Variants in TMCC3 observed in about 807,000 individuals in gnomAD.
TMCC3 encodes transmembrane and coiled-coil domain protein 3.
In TMCC3, 28 loss-of-function variants were observed where a neutral mutation model predicts 40.2. The ratio of observed to expected loss-of-function variants is 0.70; its 90% CI spans 0.52 to 0.95. The LOEUF (loss-of-function observed/expected upper bound fraction) is 0.95. Ranked by LOEUF, TMCC3 falls within the 40% of genes least tolerant of loss-of-function variation. TMCC3 has a pLI of 0.00. For synonymous variants in TMCC3, 255 were observed against 248.5 expected, an observed-to-expected ratio of 1.03 and a Z score of -0.25; for missense variants, 554 against 615.2, an observed-to-expected ratio of 0.90 and a Z score of 1.05.
At chr12:94,589,134 G>GTT (rs1193357757) in intron 1 of TMCC3, among the ~76,000 whole-genome samples, 11 of 88,488 alleles carry the variant, frequency 1.2e-4, no homozygotes, top group African/African-American at 4.6e-4. Flanking sequence ...GTATGAGGTT[G>GTT]TTGTTTTTTT....
chr12:94,572,306 C>CTTTTTT (rs527894810), intron 3 of TMCC3, among the ~76,000 whole-genome samples: 6 of 50,662 alleles, frequency 1.2e-4, no homozygotes, highest in African/African-American at 3.0e-4. Flanking sequence ...CCGACTTCAT[C>CTTTTTT]TTTTTTTTTT....
At chr12:94,586,384 C>T (rs1265176499) in intron 1 of TMCC3, among the ~76,000 whole-genome samples, 1 of 152,218 alleles carries the variant, frequency 6.6e-6, no homozygotes, top group African/African-American at 2.4e-5. Flanking sequence ...TCACCTCCAC[C>T]TCCAGGGGCA....
At position 94,567,904 on chromosome 12, in the gene TMCC3, T is replaced by A. The variant is rs376904532; in HGVS notation, c.*3531A>T. 67 of 152,300 alleles carry A rather than the reference T, an allele frequency of 4.4e-4. No individual in the cohort carries two copies. The highest frequency in any genetic ancestry group is 1.6e-3 in the African/African-American group (66 of 41,568). The allele number at this position is 152,300 out of a possible 1,614,324, so 9.4% of individuals were successfully genotyped here. ...ATCCGACCAAAAAAGACAAAAGTAA[T>A]TAGTTGCCTGAGGGAAGCTAGTTCC... On this transcript the variant is annotated 3_prime_UTR_variant, in exon 4 of 4. Coordinates refer to ENST00000261226, the MANE Select transcript of TMCC3 (RefSeq NM_020698.4).
At chr12:94,646,911 C>T (rs2069022964) in intron 1 of TMCC3, among the ~76,000 whole-genome samples, 1 of 152,032 alleles carries the variant, frequency 6.6e-6, no homozygotes. Flanking sequence ...AGAATACAAC[C>T]CACGTAGGTC....
At position 94,650,355 on chromosome 12, in the gene TMCC3, G is replaced by A. The variant is rs2069049422; in HGVS notation, c.76C>T (p.Arg26Trp). 3 of 1,320,910 alleles carry A rather than the reference G, an allele frequency of 2.3e-6. No homozygotes were observed. The highest frequency in any genetic ancestry group is 1.9e-5 in the South Asian group (1 of 52,458). 81.8% of individuals were successfully genotyped at this position (1,320,910 alleles called of 1,614,324 possible). ...YPGRHHRCKS[R>W]VERHDMNTLS... Reference sequence around the variant, plus strand: ...GCCCCCCAGCCCGCTGCGCTCACCCGGCTCTTGCAGCGGTGGTGCCGGCCG... The same window carrying A: ...GCCCCCCAGCCCGCTGCGCTCACCCAGCTCTTGCAGCGGTGGTGCCGGCCG... The change falls in exon 1 of 4, where the codon CGG becomes TGG. Residue 26 changes from arginine (R) to tryptophan (W), a missense_variant and splice_region_variant. Coordinates refer to ENST00000261226, the MANE Select transcript of TMCC3 (RefSeq NM_020698.4).
At chr12:94,647,413 C>T (rs534017866) in intron 1 of TMCC3, among the ~76,000 whole-genome samples, 4 of 152,262 alleles carry the variant, frequency 2.6e-5, no homozygotes, top group South Asian at 4.2e-4. Context: ...CATGTAGTTT[C>T]CCTGTTATCT....
chr12:94,648,220 T>TTTTATTTATTTATTTATTTA (rs201121413), intron 1 of TMCC3, among the ~76,000 whole-genome samples: 14 of 149,528 alleles, frequency 9.4e-5, no homozygotes, highest in African/African-American at 3.2e-4. Context: ...AGTAGAATTG[T>TTTTATTTATTTATTTATTTA]TTTATTTATT....
At chr12:94,591,586 C>T (rs1370021986) in intron 1 of TMCC3, among the ~76,000 whole-genome samples, 1 of 151,730 alleles carries the variant, frequency 6.6e-6, no homozygotes, top group Admixed American at 6.6e-5. Context: ...CCTGTCTCTA[C>T]CAAAAAAAAC....
At chr12:94,647,134 T>A (rs1490724587) in intron 1 of TMCC3, among the ~76,000 whole-genome samples, 2 of 152,224 alleles carry the variant, frequency 1.3e-5, no homozygotes, top group Non-Finnish European at 1.5e-5. Context: ...TTATGGATGC[T>A]CTTTCTTCTA....
intron 1 of TMCC3, among the ~76,000 whole-genome samples, chr12:94,612,810 T>A (rs1032838656): frequency 1.3e-5 from 2 of 152,192 alleles, no homozygotes; most frequent in Middle Eastern, 3.2e-3. Flanking sequence ...GACTGCAAGG[T>A]ATATTTGCAG....
chr12:94,593,256 A>G (rs1004673900), intron 1 of TMCC3, among the ~76,000 whole-genome samples: 3 of 150,138 alleles, frequency 2.0e-5, no homozygotes, highest in African/African-American at 4.9e-5. Context: ...AATCCCAGCT[A>G]CTCAGGAGGC....
chr12:94,648,448 A>C (rs1423737927), intron 1 of TMCC3, among the ~76,000 whole-genome samples: 1 of 152,074 alleles, frequency 6.6e-6, no homozygotes, highest in Non-Finnish European at 1.5e-5. Flanking sequence ...GCTGGTCTTG[A>C]ACTCCTGACC....
intron 1 of TMCC3, among the ~76,000 whole-genome samples, chr12:94,640,867 G>A (rs530776225): frequency 6.6e-6 from 1 of 152,162 alleles, no homozygotes; most frequent in South Asian, 2.1e-4. Context: ...AGGGATGTTG[G>A]GGGCAACGAG....
At chr12:94,619,769 C>T (rs562804072) in intron 1 of TMCC3, among the ~76,000 whole-genome samples, 228 of 152,252 alleles carry the variant, frequency 1.5e-3, no homozygotes, top group Middle Eastern at 0.01. Flanking sequence ...AAAACATCAT[C>T]CTGGGAGGAA....
intron 1 of TMCC3, among the ~76,000 whole-genome samples, chr12:94,593,644 A>G (rs1227783177): frequency 6.6e-6 from 1 of 151,874 alleles, no homozygotes; most frequent in Admixed American, 6.6e-5. Context: ...TCTGAAAAAC[A>G]AATTCTTCAA....
At chr12:94,575,401 A>G (rs577849182) in intron 3 of TMCC3, among the ~76,000 whole-genome samples, 104 of 152,280 alleles carry the variant, frequency 6.8e-4, no homozygotes, top group African/African-American at 2.4e-3. Flanking sequence ...CAACCTTTTG[A>G]GGTAGAGCTC....
intron 1 of TMCC3, among the ~76,000 whole-genome samples, chr12:94,647,134 T>C (rs1490724587): frequency 6.6e-6 from 1 of 152,224 alleles, no homozygotes; most frequent in Non-Finnish European, 1.5e-5. Context: ...TTATGGATGC[T>C]CTTTCTTCTA....
intron 1 of TMCC3, chr12:94,609,862 G>A (rs2068804977): frequency 6.6e-6 from 1 of 152,108 alleles, no homozygotes; most frequent in African/African-American, 2.4e-5. Context: ...ACAGTTTCTG[G>A]CTATAGATGA....
At chr12:94,581,423 A>C (rs944247172) in intron 2 of TMCC3, among the ~76,000 whole-genome samples, 199 bp downstream of exon 2, 3 of 152,180 alleles carry the variant, frequency 2.0e-5, no homozygotes, top group African/African-American at 7.2e-5. Context: ...TTTATTGAAA[A>C]TGTAACCATA....
Sources: allele counts gnomAD v4.1 joint callset (sites outside exome capture counted in the v4.1 genomes callset), GRCh38; gene constraint gnomAD v4.1.1; transcripts MANE v1.5; gene names NCBI Gene and HGNC (gene_info 2026-07-23, HGNC 2026-07-21).